The following TG variants were observed in gnomAD, a reference collection of about 807,000 sequenced individuals.
The protein encoded by TG is thyroglobulin.
Under a neutral mutation model 324.7 loss-of-function variants are expected in TG, and 270 were observed. The observed-to-expected ratio is 0.83, with a 90% CI of 0.75 to 0.92. The LOEUF is 0.92. Ranked by LOEUF, TG falls within the 40% of genes least tolerant of loss-of-function variation. TG has a pLI of 0.00. For missense variants in TG, 3,591 were observed against 3,456.4 expected (o/e 1.04, Z -0.98); for synonymous variants, 1,401 against 1,327.0 (o/e 1.06, Z -1.21).
intron 45 of TG, among the ~76,000 whole-genome samples, chr8:133,122,984 C>A (rs1242649471): frequency 6.6e-6 from 1 of 152,058 alleles, no homozygotes; most frequent in Non-Finnish European, 1.5e-5. Context: ...GACCGGATAA[C>A]CCTTTGTTGT....
At chr8:133,130,158 A>T (rs1157871061) in intron 45 of TG, among the ~76,000 whole-genome samples, 1 of 152,228 alleles carries the variant, frequency 6.6e-6, no homozygotes, top group Non-Finnish European at 1.5e-5. Flanking sequence ...AGCTTGTCCA[A>T]GATTGCACAC....
intron 20 of TG, among the ~76,000 whole-genome samples, chr8:132,917,660 G>T (rs1246408942): frequency 1.3e-5 from 2 of 151,942 alleles, no homozygotes; most frequent in African/African-American, 4.8e-5. Context: ...TGGAGAGAGA[G>T]AGGACCAGGT....
Position 132,898,160 on chromosome 8 carries a change from C to T in TG, c.3140-9C>T. ...ATTCCTGAATGTTCTCCCCTTGGCT[C>T]TTTTCCAGGGCACTGCTGGTGTGTA... On this transcript the variant is annotated splice_polypyrimidine_tract_variant and intron_variant, in intron 12 of 47. Coordinates refer to ENST00000220616, the MANE Select transcript of TG (RefSeq NM_003235.5). 6.3e-7 allele frequency: 1 copy of T among 1,596,162 alleles called. No individual in the cohort carries two copies. Among genetic ancestry groups the T allele is most frequent in the South Asian group, 1.1e-5 (1 of 87,690 alleles).
At chr8:132,973,796 T>A (rs77558996) in intron 34 of TG, among the ~76,000 whole-genome samples, 2,048 of 151,742 alleles carry the variant, frequency 0.013, 46 homozygotes, top group African/African-American at 0.047. Context: ...CTAGGAGGAG[T>A]CAAATTAGAG....
At position 132,929,207 on chromosome 8, in the gene TG, G is replaced by A; in HGVS notation, c.4816+15G>A. 3.1e-6 allele frequency: 5 copies of A among 1,588,556 alleles called. No homozygotes were observed. Among genetic ancestry groups the A allele is most frequent in the Non-Finnish European group, 4.3e-6 (5 of 1,156,668 alleles). On this transcript the variant is annotated intron_variant, in intron 23 of 47. Coordinates refer to ENST00000220616, the MANE Select transcript of TG (RefSeq NM_003235.5). ...GTGCTTGACAGGTGAGGAGTGGTGG[G>A]GAGATATGCACTCAGAAGAAGGTGT...
At position 133,088,028 on chromosome 8, in the gene TG, A is replaced by G. The variant is rs1210460263; in HGVS notation, c.7240-7016A>G. Reference sequence around the variant, plus strand: ...AATGATTAAGAAAGTAGCGGTTTCAATAATATTGGTTCTTCCTACTTCCTA... The same window carrying G: ...AATGATTAAGAAAGTAGCGGTTTCAGTAATATTGGTTCTTCCTACTTCCTA... On this transcript the variant is annotated intron_variant, in intron 41 of 47. Transcript: ENST00000220616. Among the ~76,000 whole-genome samples, 4 of 152,232 alleles carry G rather than the reference A, an allele frequency of 2.6e-5. 1 individual carries two copies. The highest frequency in any genetic ancestry group is 1.5e-5 in the Non-Finnish European group (1 of 68,040).
chr8:133,131,011 C>T (rs984605064), intron 45 of TG, among the ~76,000 whole-genome samples: 2 of 152,186 alleles, frequency 1.3e-5, no homozygotes, highest in Admixed American at 1.3e-4. Flanking sequence ...AGAAACAAGA[C>T]AGCTTCAACA....
intron 31 of TG, among the ~76,000 whole-genome samples, chr8:132,968,968 G>A (rs768741885): frequency 5.3e-5 from 8 of 152,142 alleles, no homozygotes; most frequent in South Asian, 2.1e-4. Context: ...CTGAGAGAAC[G>A]AACCTTCTAT....
chr8:132,915,131 G>A (rs1307683439), intron 20 of TG, among the ~76,000 whole-genome samples: 8 of 152,142 alleles, frequency 5.3e-5, no homozygotes. Context: ...CATGTTGGGA[G>A]CAGGGGCTGC....
rs571515313 is a variant in TG, at chr8:133,094,759, A to T, written c.7240-285A>T. ...AGAACCATCAGCCCTTTGCCTCTATATACAAATTCATCTGCACAGCCAAGA... is the reference window on the plus strand; with the variant it reads ...AGAACCATCAGCCCTTTGCCTCTATTTACAAATTCATCTGCACAGCCAAGA... On this transcript the variant is annotated intron_variant, in intron 41 of 47. Transcript: ENST00000220616. The T allele has an allele frequency of 6.9e-4, 338 of 493,216 alleles. 2 individuals carry two copies. The highest frequency in any genetic ancestry group is 1.9e-4 in the Non-Finnish European group (52 of 269,460). The allele number at this position is 493,216 out of a possible 1,614,324, so 30.6% of individuals were successfully genotyped here.
chr8:133,041,669 A>G (rs1838268078), intron 41 of TG, among the ~76,000 whole-genome samples: 1 of 152,166 alleles, frequency 6.6e-6, no homozygotes, highest in South Asian at 2.1e-4. Context: ...CAGGGTGAAA[A>G]ATACATTTTG....
intron 16 of TG, among the ~76,000 whole-genome samples, chr8:132,903,375 C>T (rs950441061): frequency 2.6e-5 from 4 of 152,170 alleles, no homozygotes; most frequent in Non-Finnish European, 4.4e-5. Context: ...TAATTCTTGC[C>T]GGGCCTGGCA....
chr8:132,999,501 A>G (rs926885777), intron 35 of TG, among the ~76,000 whole-genome samples: 12 of 151,978 alleles, frequency 7.9e-5, no homozygotes, highest in African/African-American at 2.7e-4. Flanking sequence ...TGCCTGTAGG[A>G]TTTTTGGTTC....
chr8:132,942,883 G>T (rs1003153129), intron 26 of TG, among the ~76,000 whole-genome samples: 3 of 152,212 alleles, frequency 2.0e-5, no homozygotes, highest in African/African-American at 7.2e-5. Flanking sequence ...ATTTGGTTCA[G>T]AGTGGGTGTC....
intron 35 of TG, among the ~76,000 whole-genome samples, chr8:133,008,752 C>T (rs754003390): frequency 1.7e-4 from 26 of 152,240 alleles, no homozygotes; most frequent in East Asian, 3.8e-4. Context: ...ATTACTGGAT[C>T]GTCTGTTTCC....
intron 41 of TG, chr8:133,036,806 T>G (rs1300820838): frequency 6.6e-6 from 1 of 152,656 alleles, no homozygotes; most frequent in Non-Finnish European, 1.5e-5. Flanking sequence ...TGCTTCCCAC[T>G]GAGAAATCCC....
intron 39 of TG, among the ~76,000 whole-genome samples, chr8:133,021,704 C>T (rs189703296): frequency 6.6e-6 from 1 of 152,292 alleles, no homozygotes; most frequent in Non-Finnish European, 1.5e-5. Flanking sequence ...TCCCTCTGTA[C>T]CTGTGTCCTG....
At chr8:133,126,371 A>G (rs1331866656) in intron 45 of TG, among the ~76,000 whole-genome samples, 2 of 152,248 alleles carry the variant, frequency 1.3e-5, no homozygotes, top group African/African-American at 4.8e-5. Context: ...AGCACACAAC[A>G]CAGTTATTGA....
chr8:133,075,504 T>A (rs1434526236), intron 41 of TG, among the ~76,000 whole-genome samples: 1 of 152,230 alleles, frequency 6.6e-6, no homozygotes, highest in South Asian at 2.1e-4. Flanking sequence ...GAATATATAC[T>A]GCACAGTTGA....
Sources: gnomAD v4.1 joint callset for allele counts (sites outside exome capture counted in the v4.1 genomes callset) on GRCh38, gnomAD v4.1.1 for gene constraint, MANE v1.5 for transcripts, NCBI Gene and HGNC (gene_info 2026-07-23, HGNC 2026-07-21) for gene names.